The following PTGS1 variants were observed in gnomAD, a reference collection of about 807,000 sequenced individuals.
PTGS1 encodes prostaglandin-endoperoxide synthase 1, also known as prostaglandin G/H synthase 1.
In PTGS1, 40 loss-of-function variants were observed where a neutral mutation model predicts 63.0. The ratio of observed to expected loss-of-function variants is 0.63; its 90% CI spans 0.49 to 0.83. The LOEUF is 0.83. Ranked by LOEUF, PTGS1 falls within the 40% of genes least tolerant of loss-of-function variation. PTGS1 has a pLI of 0.00. For synonymous variants in PTGS1, 298 were observed against 301.9 expected (o/e 0.99, Z 0.13); for missense variants, 709 against 786.5 (o/e 0.90, Z 1.18).
At chr9:122,371,320 T>C (rs746927183) in intron 2 of PTGS1, 48 bp downstream of exon 2, 12 of 1,598,408 alleles carry the variant, frequency 7.5e-6, no homozygotes, top group Non-Finnish European at 1.0e-5. Flanking sequence ...CTTGCGCCCC[T>C]GGCCTGGTTT....
intron 9 of PTGS1, 112 bp from the exon 10 acceptor site, chr9:122,390,086 C>T (rs1235552790): frequency 7.6e-7 from 1 of 1,308,272 alleles, no homozygotes; most frequent in Non-Finnish European, 1.0e-6. Flanking sequence ...CAACACTCTC[C>T]ATCCTAGCTC....
At chr9:122,392,092 AT>A in intron 10 of PTGS1, 96 bp from the exon 11 acceptor site, 1 of 1,039,660 alleles carries the variant, frequency 9.6e-7, no homozygotes, top group Non-Finnish European at 1.4e-6. Flanking sequence ...AGTCCCTATT[AT>A]CCCCAGAAAA....
chr9:122,378,136 C>T (rs921945033), intron 3 of PTGS1, 121 bp downstream of exon 3: 4 of 1,018,192 alleles, frequency 3.9e-6, no homozygotes, highest in Non-Finnish European at 5.9e-6. Flanking sequence ...TCCTTCCTTG[C>T]CTGGTTCTGC....
intron 9 of PTGS1, among the ~76,000 whole-genome samples, chr9:122,387,655 G>A (rs527670300): frequency 6.6e-6 from 1 of 152,292 alleles, no homozygotes; most frequent in South Asian, 2.1e-4. Context: ...TACCAACCCT[G>A]CTGACACCTT....
rs775470716 is a variant in PTGS1 at position 122,392,395 on chromosome 9, G to A, written c.1651G>A (p.Gly551Ser). The change falls in exon 11 of 11, where the codon GGC (glycine) becomes AGC (serine). Residue 551 changes from glycine to serine, a missense_variant. Gly to Ser is a moderately conservative substitution (Grantham distance 56). Coordinates refer to ENST00000362012, the MANE Select transcript of PTGS1 (RefSeq NM_000962.4). ...PEYWKPSTFG[G>S]EVGFNIVKTA... ...GTACTGGAAGCCGAGCACATTTGGC[G>A]GCGAGGTGGGCTTTAACATTGTCAA... 2.1e-5 allele frequency: 34 copies of A among 1,614,010 alleles called. 1 individual carries two copies. Among genetic ancestry groups the A allele is most frequent in the East Asian group, 1.8e-4 (8 of 44,896 alleles).
chr9:122,393,356 C>A lies in PTGS1; in HGVS notation c.*812C>A, dbSNP rs1422562897. On this transcript the variant is annotated 3_prime_UTR_variant, in exon 11 of 11. Coordinates refer to ENST00000362012, the MANE Select transcript of PTGS1 (RefSeq NM_000962.4). ...CTCTAAAGCAGAGGCAACACTGGAA[C>A]ATGGCTAGCCTTTCTTGTAGCCATG... 6.6e-6 allele frequency: 1 copy of A among 152,226 alleles called. No homozygotes were observed. Among genetic ancestry groups the A allele is most frequent in the Non-Finnish European group, 1.5e-5 (1 of 68,048 alleles). 9.4% of individuals were successfully genotyped at this position (152,226 alleles called of 1,614,324 possible). A position where few individuals can be genotyped will look rare whatever the true frequency, so the allele number is the denominator to read the frequency against.
At position 122,392,544 on chromosome 9, in the gene PTGS1, A is replaced by G; in HGVS notation, c.1800A>G (p.Ter600TrpextTer20). The change falls in exon 11 of 11, where the codon TGA becomes TGG. Residue 600 changes from the stop codon to tryptophan (W), a stop_lost. Transcript: ENST00000362012. Reference protein sequence around the residue: ...PAVERPSTEL* With the variant: ...PAVERPSTELW ...TGGAGCGACCATCCACAGAGCTCTG[A>G]GGGGCAGGAAAGCAGCATTCTGGAG... is the stretch of plus-strand genomic sequence containing the variant. 2 of 1,609,458 alleles carry G rather than the reference A, an allele frequency of 1.2e-6. No homozygotes were observed. The highest frequency in any genetic ancestry group is 1.7e-6 in the Non-Finnish European group (2 of 1,176,494).
rs1026348451 is a variant in PTGS1, at chr9:122,392,189, G to A, written c.1445G>A (p.Gly482Glu). ...KPYTSFQELV[G>E]EKEMAAELEE... ...AGCATTTCCCCTTATCTCCTTGTAG[G>A]AGAGAAGGAGATGGCAGCAGAGTTG... Residue 482 changes from glycine (G) to glutamate (E), a missense_variant and splice_region_variant, in exon 11 of 11, where the codon GGA (glycine) becomes GAA (glutamate). Physicochemically the swap from Gly to Glu is moderately conservative, Grantham distance 98. Coordinates refer to ENST00000362012, the MANE Select transcript of PTGS1 (RefSeq NM_000962.4). The A allele has an allele frequency of 6.3e-7, 1 of 1,580,204 alleles. No homozygotes were observed. Among genetic ancestry groups the A allele is most frequent in the East Asian group, 2.3e-5 (1 of 44,288 alleles).
rs1285684774 is a variant in PTGS1 at position 122,392,896 on chromosome 9, GGGTT to G, written c.*353_*356del. 2.0e-4 allele frequency: 39 copies of G among 198,208 alleles called. No homozygotes were observed. Among genetic ancestry groups the G allele is most frequent in the Non-Finnish European group, 3.1e-5 (3 of 96,476 alleles). The allele number at this position is 198,208 out of a possible 1,614,324, so 12.3% of individuals were successfully genotyped here. On this transcript the variant is annotated 3_prime_UTR_variant, in exon 11 of 11. Transcript: ENST00000362012. Reference sequence around the variant, plus strand: ...TGATGAAATCTGCTAGAAAGTTAGGGGGTTCTTATTTTGCATTCCAGAATCTTGA... The same window carrying G: ...TGATGAAATCTGCTAGAAAGTTAGGGCTTATTTTGCATTCCAGAATCTTGA...
rs762437093 is a variant in PTGS1, at chr9:122,381,589, C to G, written c.678+37C>G. 3 of 1,613,446 alleles carry G rather than the reference C, an allele frequency of 1.9e-6. No homozygotes were observed. In the East Asian group the frequency reaches 6.7e-5, roughly 36 times the overall value. ...GGAGGGGCTCAGGACTGCTCTGGAC[C>G]TAATTTGGCACGCGTATGTCATCGA... On this transcript the variant is annotated intron_variant, in intron 6 of 10. Transcript: ENST00000362012.
chr9:122,386,756 G>A, intron 9 of PTGS1, 24 bp downstream of exon 9: 3 of 1,609,120 alleles, frequency 1.9e-6, no homozygotes, highest in Non-Finnish European at 2.6e-6. Context: ...GAGTGCTGGT[G>A]AGGGCAGGTG....
At position 122,392,402 on chromosome 9, in the gene PTGS1, T is replaced by A; in HGVS notation, c.1658T>A (p.Val553Glu). The A allele has an allele frequency of 6.2e-7, 1 of 1,613,942 alleles. No homozygotes were observed. The highest frequency in any genetic ancestry group is 8.5e-7 in the Non-Finnish European group (1 of 1,179,982). The change falls in exon 11 of 11, where the codon GTG becomes GAG. Residue 553 changes from valine to glutamate, a missense_variant. Transcript: ENST00000362012. ...YWKPSTFGGE[V>E]GFNIVKTATL... is the part of the protein sequence containing the mutation. The stretch of plus-strand genomic sequence containing the variant: ...AAGCCGAGCACATTTGGCGGCGAGG[T>A]GGGCTTTAACATTGTCAAGACGGCC...
At chr9:122,386,321 T>C (rs1837870660) in intron 8 of PTGS1, 125 bp from the exon 9 acceptor site, 1 of 1,069,430 alleles carries the variant, frequency 9.4e-7, no homozygotes, top group Non-Finnish European at 1.4e-6. Flanking sequence ...AAAATAAACA[T>C]CAACAGCAAC....
At position 122,392,611 on chromosome 9, in the gene PTGS1, G is replaced by A. The variant is rs1838360542; in HGVS notation, c.*67G>A. 4.9e-6 allele frequency: 7 copies of A among 1,431,784 alleles called. No individual in the cohort carries two copies. The South Asian group carries it at 9.0e-5, about 18-fold the overall frequency. The allele number at this position is 1,431,784 out of a possible 1,614,324, so 88.7% of individuals were successfully genotyped here. ...TGTCATTCCAGAGTGCTGAGGCCAG[G>A]GCTGATGGTCTTAAATGCTCATTTT... On this transcript the variant is annotated 3_prime_UTR_variant, in exon 11 of 11. Coordinates refer to ENST00000362012, the MANE Select transcript of PTGS1 (RefSeq NM_000962.4).
intron 7 of PTGS1, among the ~76,000 whole-genome samples, chr9:122,382,085 G>A (rs1251540438): frequency 1.3e-5 from 2 of 152,202 alleles, no homozygotes; most frequent in African/African-American, 4.8e-5. Flanking sequence ...GACCATTATA[G>A]TTAATGGGCC....
intron 2 of PTGS1, among the ~76,000 whole-genome samples, chr9:122,374,245 G>T (rs1280581265): frequency 1.3e-5 from 2 of 152,156 alleles, no homozygotes; most frequent in Admixed American, 1.3e-4. Flanking sequence ...AAGGTTCTCT[G>T]CTGATGGGGC....
At chr9:122,375,980 G>T (rs999177681) in intron 2 of PTGS1, among the ~76,000 whole-genome samples, 4 of 152,146 alleles carry the variant, frequency 2.6e-5, no homozygotes, top group African/African-American at 9.7e-5. Context: ...TGGGCAGTGG[G>T]TGCTACAGGG....
Position 122,393,676 on chromosome 9 carries a change from A to T in PTGS1, c.*1132A>T, listed in dbSNP as rs202235101. ...GCTTTTAATTCTCATTTGTTCTCACACCAACAGTGTGAAGTGCGTGGTATA... is the reference window on the plus strand; with the variant it reads ...GCTTTTAATTCTCATTTGTTCTCACTCCAACAGTGTGAAGTGCGTGGTATA... On this transcript the variant is annotated 3_prime_UTR_variant, in exon 11 of 11. Transcript: ENST00000362012. 2 of 152,260 alleles carry T rather than the reference A, an allele frequency of 1.3e-5. No homozygotes were observed. Among genetic ancestry groups the T allele is most frequent in the Non-Finnish European group, 2.9e-5 (2 of 68,078 alleles). The allele number at this position is 152,260 out of a possible 1,614,324, so 9.4% of individuals were successfully genotyped here.
intron 4 of PTGS1, 101 bp downstream of exon 4, chr9:122,378,674 A>C (rs1837333249): frequency 1.1e-5 from 18 of 1,601,504 alleles, no homozygotes; most frequent in African/African-American, 5.3e-5. Context: ...GGGAGAGTCT[A>C]TGATGCCTGA....
Sources: allele counts gnomAD v4.1 joint callset (sites outside exome capture counted in the v4.1 genomes callset), GRCh38; gene constraint gnomAD v4.1.1; transcripts MANE v1.5; gene names NCBI Gene and HGNC (gene_info 2026-07-23, HGNC 2026-07-21).